SEPTIN7: variants seen among roughly 807,000 people sequenced by gnomAD.
The protein encoded by SEPTIN7 is septin 7.
Under a neutral mutation model 63.3 loss-of-function variants are expected in SEPTIN7, and 10 were observed. The ratio of observed to expected loss-of-function variants is 0.16; its 90% CI spans 0.10 to 0.27. The LOEUF (loss-of-function observed/expected upper bound fraction) is 0.27. Ranked by LOEUF, SEPTIN7 falls within the 10% of genes least tolerant of loss-of-function variation. SEPTIN7 has a pLI of 1.00. For missense variants in SEPTIN7, 310 were observed against 521.0 expected, an observed-to-expected ratio of 0.59 and a Z score of 3.94; for synonymous variants, 131 against 165.3, an observed-to-expected ratio of 0.79 and a Z score of 1.59.
At chr7:35,895,340 GATC>G (rs1787896449) in intron 11 of SEPTIN7, among the ~76,000 whole-genome samples, 1 of 152,126 alleles carries the variant, frequency 6.6e-6, no homozygotes, top group African/African-American at 2.4e-5. Flanking sequence ...AAATTTGAAA[GATC>G]ATTTTTACTG....
intron 1 of SEPTIN7, among the ~76,000 whole-genome samples, chr7:35,820,327 C>T (rs1789336884): frequency 6.6e-6 from 1 of 152,060 alleles, no homozygotes; most frequent in South Asian, 2.1e-4. Context: ...TCTGTTTCTT[C>T]AAATATACAT....
intron 3 of SEPTIN7, chr7:35,838,695 G>A (rs561774405): frequency 1.3e-5 from 2 of 151,752 alleles, no homozygotes; most frequent in South Asian, 4.2e-4. Context: ...CTTTTTCTTT[G>A]TGGTTTACTT....
rs1788544440 is a variant in SEPTIN7, at chr7:35,905,085, G to GC, written c.*792_*793insC. The GC allele has an allele frequency of 6.6e-6, 1 of 152,562 alleles. No individual in the cohort carries two copies. Among genetic ancestry groups the GC allele is most frequent in the Non-Finnish European group, 1.5e-5 (1 of 68,022 alleles). The allele number at this position is 152,562 out of a possible 1,614,324, so 9.5% of individuals were successfully genotyped here. A position where few individuals can be genotyped will look rare whatever the true frequency, so the allele number is the denominator to read the frequency against. ...TTTACACTTTATGGTAAGTAGCAGGGGGGGAAATGCATTTATAGATCATTT... is the reference window on the plus strand; with the variant it reads ...TTTACACTTTATGGTAAGTAGCAGGGCGGGGAAATGCATTTATAGATCATTT... On this transcript the variant is annotated 3_prime_UTR_variant, in exon 14 of 14. Transcript: ENST00000350320.
chr7:35,858,545 G>A (rs1377463835), intron 3 of SEPTIN7, among the ~76,000 whole-genome samples: 1 of 152,184 alleles, frequency 6.6e-6, no homozygotes, highest in South Asian at 2.1e-4. Flanking sequence ...TAGTAGAGAC[G>A]TGGTTTCACA....
At position 35,890,802 on chromosome 7, in the gene SEPTIN7, A is replaced by G. The variant is rs1266174713; in HGVS notation, c.998+9A>G. On this transcript the variant is annotated intron_variant, in intron 11 of 13. Transcript: ENST00000350320. ...AAAGGGCAGCTGACTAAGTAAGTATATATTTTTTTCTCCAAAAAGGTATTA... is the reference window on the plus strand; with the variant it reads ...AAAGGGCAGCTGACTAAGTAAGTATGTATTTTTTTCTCCAAAAAGGTATTA... 4.6e-6 allele frequency: 7 copies of G among 1,525,800 alleles called. 1 individual carries two copies. The highest frequency in any genetic ancestry group is 2.6e-5 in the South Asian group (2 of 78,352). The allele number at this position is 1,525,800 out of a possible 1,614,324, so 94.5% of individuals were successfully genotyped here.
At chr7:35,893,918 C>A (rs532213240) in intron 11 of SEPTIN7, among the ~76,000 whole-genome samples, 2 of 152,186 alleles carry the variant, frequency 1.3e-5, no homozygotes, top group South Asian at 2.1e-4. Context: ...CCAGTAATTA[C>A]CTGTTTCTGA....
At position 35,856,405 on chromosome 7, in the gene SEPTIN7, C is replaced by T. The variant is rs377317590; in HGVS notation, c.170-7147C>T. Among the ~76,000 whole-genome samples, 29 of 152,254 alleles carry T rather than the reference C, an allele frequency of 1.9e-4. 1 individual carries two copies. In the South Asian group the frequency reaches 2.3e-3, roughly 12 times the overall value. ...CTGAAGGACATTGTGGTTGCTTCCA[C>T]GTCTTGGCAATTATAAATAAAGCTG... On this transcript the variant is annotated intron_variant, in intron 3 of 13. Transcript: ENST00000350320.
intron 1 of SEPTIN7, among the ~76,000 whole-genome samples, chr7:35,816,437 T>C (rs990825058): frequency 6.6e-6 from 1 of 152,234 alleles, no homozygotes; most frequent in Non-Finnish European, 1.5e-5. Flanking sequence ...CTGGATATTA[T>C]TCTGTTGTAT....
At chr7:35,812,198 A>G (rs1305501288) in intron 1 of SEPTIN7, 1 of 161,978 alleles carries the variant, frequency 6.2e-6, no homozygotes, top group Non-Finnish European at 1.4e-5. Context: ...TGTGGGCGAA[A>G]AAGATAACTA....
intron 12 of SEPTIN7, chr7:35,899,946 A>G (rs185060516): frequency 6.6e-6 from 1 of 152,306 alleles, no homozygotes; most frequent in African/African-American, 2.4e-5. Flanking sequence ...AACAATCTTT[A>G]ATGATAAAAT....
intron 10 of SEPTIN7, among the ~76,000 whole-genome samples, chr7:35,886,353 G>A (rs1562578282): frequency 6.6e-6 from 1 of 152,168 alleles, no homozygotes; most frequent in African/African-American, 2.4e-5. Context: ...TCCCTAAATT[G>A]TGTCTTACAC....
At chr7:35,884,908 A>C (rs1198144821) in intron 9 of SEPTIN7, among the ~76,000 whole-genome samples, 1 of 152,118 alleles carries the variant, frequency 6.6e-6, no homozygotes, top group African/African-American at 2.4e-5. Context: ...TCTTGGCAAT[A>C]GGTTTATTGT....
chr7:35,914,661 A>C, the SEPTIN7 span, among the ~76,000 whole-genome samples: 1,172 of 46,948 alleles, frequency 0.025, 11 homozygotes, highest in African/African-American at 0.05. Flanking sequence ...CTCTCTCTCT[A>C]TATATATATA....
intron 3 of SEPTIN7, among the ~76,000 whole-genome samples, chr7:35,837,745 T>G (rs1283069623): frequency 1.3e-5 from 2 of 152,192 alleles, no homozygotes; most frequent in East Asian, 3.8e-4. Context: ...ATTTATTTAT[T>G]TTTTGAGATG....
At chr7:35,910,749 TTA>T (rs1261587714), downstream of SEPTIN7, among the ~76,000 whole-genome samples, 1 of 152,214 alleles carries the variant, frequency 6.6e-6, no homozygotes, top group Non-Finnish European at 1.5e-5. Context: ...GAATCTAGCA[TTA>T]TTAACTTCAA....
intron 7 of SEPTIN7, 24 bp from the exon 8 acceptor site, chr7:35,882,460 T>C (rs1212008442): frequency 1.4e-6 from 2 of 1,429,478 alleles, no homozygotes; most frequent in East Asian, 5.3e-5. Flanking sequence ...GGTGCTCTTT[T>C]GCTGACTACT....
intron 1 of SEPTIN7, among the ~76,000 whole-genome samples, chr7:35,830,696 G>C (rs545587183): frequency 1.3e-5 from 2 of 152,336 alleles, no homozygotes; most frequent in African/African-American, 4.8e-5. Flanking sequence ...ACGGACTCCA[G>C]TTGTTTGAAG....
intron 3 of SEPTIN7, among the ~76,000 whole-genome samples, chr7:35,839,374 A>G (rs1271692816): frequency 6.6e-6 from 1 of 152,158 alleles, no homozygotes; most frequent in Non-Finnish European, 1.5e-5. Context: ...TCATCATTTG[A>G]CATTTGAATG....
At chr7:35,852,950 C>T (rs1785031183) in intron 3 of SEPTIN7, among the ~76,000 whole-genome samples, 1 of 151,966 alleles carries the variant, frequency 6.6e-6, no homozygotes, top group Non-Finnish European at 1.5e-5. Context: ...TCTTTCTCAG[C>T]CTGCTAAAGA....
Sources: allele counts gnomAD v4.1 joint callset (sites outside exome capture counted in the v4.1 genomes callset), GRCh38; gene constraint gnomAD v4.1.1; transcripts MANE v1.5; gene names NCBI Gene and HGNC (gene_info 2026-07-23, HGNC 2026-07-21).